Variants in ADAMTS3 observed in about 807,000 individuals in gnomAD.
The protein encoded by ADAMTS3 is ADAM metallopeptidase with thrombospondin type 1 motif 3, also known as A disintegrin and metalloproteinase with thrombospondin motifs 3.
ADAMTS3 carries 73 observed loss-of-function variants against 129.0 expected under a neutral mutation model. That is an observed-to-expected ratio of 0.57 (90% CI 0.47 to 0.69). ADAMTS3 has a LOEUF of 0.69. Among genes scored for constraint, ADAMTS3 ranks in the 30% least tolerant of loss-of-function variants. ADAMTS3 has a pLI of 0.00. For synonymous variants in ADAMTS3, 477 were observed against 510.8 expected, an observed-to-expected ratio of 0.93 and a Z score of 0.89; for missense variants, 1,457 against 1,514.5, an observed-to-expected ratio of 0.96 and a Z score of 0.63.
chr4:72,561,211 G>T (rs1721895483), intron 2 of ADAMTS3, among the ~76,000 whole-genome samples: 1 of 152,088 alleles, frequency 6.6e-6, no homozygotes, highest in Non-Finnish European at 1.5e-5. Context: ...TAGCCGGCGT[G>T]GTAGTATGCA....
At chr4:72,441,696 T>C (rs1369835199) in intron 3 of ADAMTS3, 5 of 151,772 alleles carry the variant, frequency 3.3e-5, no homozygotes, top group African/African-American at 7.3e-5. Context: ...GGCTGCACAT[T>C]TGTCATGGGG....
intron 4 of ADAMTS3, among the ~76,000 whole-genome samples, chr4:72,380,178 T>A (rs925301376): frequency 6.6e-6 from 1 of 152,124 alleles, no homozygotes; most frequent in Admixed American, 6.6e-5. Context: ...AGAATATATT[T>A]AAGTGGATAT....
intron 3 of ADAMTS3, among the ~76,000 whole-genome samples, chr4:72,437,346 GT>G (rs1395683297): frequency 6.6e-6 from 1 of 151,698 alleles, no homozygotes; most frequent in Non-Finnish European, 1.5e-5. Context: ...CTAGAACCAC[GT>G]ACATCGAAAA....
chr4:72,283,410 T>G lies in ADAMTS3; in HGVS notation c.3344A>C (p.Tyr1115Ser). The change falls in exon 22 of 22, where the codon TAT becomes TCT. Residue 1115 changes from tyrosine to serine, a missense_variant. Tyr to Ser is a moderately radical substitution (Grantham distance 144). Coordinates refer to ENST00000286657, the MANE Select transcript of ADAMTS3 (RefSeq NM_014243.3). ...TTTACTGTTTGGCCTGAAAGCAGCA[T>G]ATGCATTTGGACCTCCCACTGAAGA... ...SISSVGGPNAYAAFRPNSKPD... is the reference protein window; with the variant it reads ...SISSVGGPNASAAFRPNSKPD... The G allele has an allele frequency of 7.4e-6, 12 of 1,614,012 alleles. No homozygotes were observed. Among genetic ancestry groups the G allele is most frequent in the Non-Finnish European group, 1.0e-5 (12 of 1,179,932 alleles).
rs759566355 is a variant in ADAMTS3 at position 72,298,255 on chromosome 4, A to C, written c.2590+22T>G. 2.5e-6 allele frequency: 4 copies of C among 1,602,404 alleles called. No homozygotes were observed. In the Admixed American group the frequency reaches 6.7e-5, roughly 27 times the overall value. On this transcript the variant is annotated intron_variant, in intron 18 of 21. Coordinates refer to ENST00000286657, the MANE Select transcript of ADAMTS3 (RefSeq NM_014243.3). ...TTTTATATGCATTACATTTTAATAT[A>C]ATAAATGTGTTCAATGGTTACCTCC...
chr4:72,538,217 C>T (rs1721230271), intron 3 of ADAMTS3, among the ~76,000 whole-genome samples: 1 of 152,084 alleles, frequency 6.6e-6, no homozygotes, highest in South Asian at 2.1e-4. Context: ...GCAGAGAAAA[C>T]ATCTAAAGAA....
chr4:72,391,453 C>T, intron 4 of ADAMTS3, among the ~76,000 whole-genome samples: 1 of 152,108 alleles, frequency 6.6e-6, no homozygotes, highest in East Asian at 1.9e-4. Context: ...AATTTCAGAG[C>T]AGCTGGGGTG....
intron 1 of ADAMTS3, 96 bp downstream of exon 1, chr4:72,568,598 G>A (rs1722082141): frequency 2.2e-6 from 2 of 909,556 alleles, no homozygotes; most frequent in Non-Finnish European, 3.5e-6. Flanking sequence ...AAGGGTGGGA[G>A]GAGAAGGAGG....
chr4:72,333,379 A>G (rs1476977693), intron 5 of ADAMTS3, among the ~76,000 whole-genome samples: 1 of 152,202 alleles, frequency 6.6e-6, no homozygotes, highest in Non-Finnish European at 1.5e-5. Context: ...CGTATAAATT[A>G]TGGTAGATTC....
chr4:72,454,131 T>G (rs1030711732), intron 3 of ADAMTS3, among the ~76,000 whole-genome samples: 2 of 151,464 alleles, frequency 1.3e-5, no homozygotes, highest in African/African-American at 4.8e-5. Flanking sequence ...ATAAGTTAAA[T>G]TCTATATTTC....
Position 72,513,095 on chromosome 4 carries a change from A to T in ADAMTS3, c.504+35383T>A, listed in dbSNP as rs566148132. On this transcript the variant is annotated intron_variant, in intron 3 of 21. Coordinates refer to ENST00000286657, the MANE Select transcript of ADAMTS3 (RefSeq NM_014243.3). ...GTCTTCCAAATTCCTGTCCCTAGCC[A>T]TGTACTGTCTCTGGAGAGTACCCAC... Among the ~76,000 whole-genome samples the T allele has an allele frequency of 1.3e-4, 20 of 152,322 alleles. No homozygotes were observed. In the East Asian group the frequency reaches 3.9e-3, roughly 29 times the overall value.
At chr4:72,296,713 A>C (rs1718818531) in intron 18 of ADAMTS3, among the ~76,000 whole-genome samples, 1 of 152,072 alleles carries the variant, frequency 6.6e-6, no homozygotes, top group Non-Finnish European at 1.5e-5. Context: ...CTATAATATA[A>C]TTCTTAAAAT....
chr4:72,378,769 TAC>T (rs898541613), intron 4 of ADAMTS3, among the ~76,000 whole-genome samples: 3 of 152,202 alleles, frequency 2.0e-5, no homozygotes, highest in African/African-American at 7.2e-5. Flanking sequence ...TTTGCTAATT[TAC>T]AGTCTTGTAG....
At chr4:72,283,775 A>C (rs959204759) in intron 21 of ADAMTS3, 71 bp from the exon 22 acceptor site, 28 of 1,338,802 alleles carry the variant, frequency 2.1e-5, no homozygotes, top group Non-Finnish European at 2.6e-5. Flanking sequence ...AAAAAATTAA[A>C]ATTTTTAATG....
At chr4:72,513,494 C>A (rs145571145) in intron 3 of ADAMTS3, among the ~76,000 whole-genome samples, 1 of 152,164 alleles carries the variant, frequency 6.6e-6, no homozygotes, top group African/African-American at 2.4e-5. Context: ...CACCATCTAA[C>A]GGATTAACCT....
chr4:72,376,116 T>C (rs1721127364), intron 4 of ADAMTS3, among the ~76,000 whole-genome samples: 2 of 152,194 alleles, frequency 1.3e-5, no homozygotes, highest in South Asian at 4.1e-4. Context: ...GTGGAAGTGC[T>C]ACATACATTT....
At chr4:72,310,355 C>T (rs912779401) in intron 14 of ADAMTS3, among the ~76,000 whole-genome samples, 20 of 151,910 alleles carry the variant, frequency 1.3e-4, no homozygotes, top group African/African-American at 3.9e-4. Context: ...CTAGGTACTG[C>T]GGCAGGTAAA....
At chr4:72,565,833 G>A (rs754473114) in intron 2 of ADAMTS3, among the ~76,000 whole-genome samples, 5 of 152,114 alleles carry the variant, frequency 3.3e-5, no homozygotes, top group African/African-American at 4.8e-5. Context: ...GTTCAATCCA[G>A]GGCCTCTTAT....
intron 1 of ADAMTS3, among the ~76,000 whole-genome samples, 190 bp from the exon 2 acceptor site, chr4:72,567,591 G>T (rs920344072): frequency 6.6e-5 from 10 of 152,124 alleles, no homozygotes; most frequent in African/African-American, 2.2e-4. Context: ...TAACAATTTG[G>T]GGAAGGGAGT....
Sources: gnomAD v4.1 joint callset for allele counts (sites outside exome capture counted in the v4.1 genomes callset) on GRCh38, gnomAD v4.1.1 for gene constraint, MANE v1.5 for transcripts, NCBI Gene and HGNC (gene_info 2026-07-23, HGNC 2026-07-21) for gene names.